Variants in ATRX observed in about 807,000 individuals in gnomAD.
ATRX encodes the protein ATRX chromatin remodeler, also known as chromatin remodeler ATRX.
In ATRX, 12 loss-of-function variants were observed where a neutral mutation model predicts 172.6. The observed-to-expected ratio is 0.07, with a 90% CI of 0.04 to 0.11. The LOEUF is 0.11. ATRX is among the 10% of genes least tolerant of loss of function. The pLI is 1.00. For synonymous variants in ATRX, 674 were observed against 594.7 expected (o/e 1.13, Z -1.94); for missense variants, 1,368 against 1,767.4 (o/e 0.77, Z 4.05).
intron 21 of ATRX, among the ~76,000 whole-genome samples, chrX:77,618,083 T>C (rs1557097875): frequency 9.0e-6 from 1 of 111,545 alleles, no homozygotes. Context: ...AAAAAAATAT[T>C]TTTGATCCAT....
At position 77,682,185 on chromosome X, in the gene ATRX, T is replaced by G. The variant is rs1557138240; in HGVS notation, c.3071A>C (p.Glu1024Ala). The G allele has an allele frequency of 8.3e-7, 1 of 1,211,357 alleles. No homozygotes were observed. Among genetic ancestry groups the G allele is most frequent in the African/African-American group, 1.7e-5 (1 of 57,879 alleles). Residue 1024 changes from glutamate to alanine, a missense_variant, in exon 9 of 35, where the codon GAA becomes GCA. Coordinates refer to ENST00000373344, the MANE Select transcript of ATRX (RefSeq NM_000489.6). ...DGTEKLPERE[E>A]ICHFPKGIKQ... ...TATGCCCTTAGGAAAATGACAAATT[T>G]CTTCTCGCTCAGGTAACTTTTCAGT...
intron 22 of ATRX, among the ~76,000 whole-genome samples, chrX:77,601,287 G>A (rs1411656410): frequency 2.7e-5 from 3 of 109,381 alleles, no homozygotes; most frequent in Non-Finnish European, 5.7e-5. Flanking sequence ...ACAACACAGC[G>A]AGACTCTGTC....
intron 1 of ATRX, among the ~76,000 whole-genome samples, chrX:77,724,642 T>C (rs1431605311): frequency 1.8e-5 from 2 of 111,572 alleles, no homozygotes; most frequent in African/African-American, 6.5e-5. Flanking sequence ...GTAAAACTAA[T>C]TTTTTGCCCA....
At chrX:77,780,277 AG>A (rs1442772442) in intron 1 of ATRX, among the ~76,000 whole-genome samples, 1 of 111,320 alleles carries the variant, frequency 9.0e-6, no homozygotes, top group Non-Finnish European at 1.9e-5. Flanking sequence ...AACCCACAAA[AG>A]GCAGATAAGA....
At chrX:77,702,493 G>A (rs1334074565) in intron 2 of ATRX, among the ~76,000 whole-genome samples, 1 of 110,923 alleles carries the variant, frequency 9.0e-6, no homozygotes, top group African/African-American at 3.3e-5. Context: ...ATTAGTTCAG[G>A]AAGATTGATG....
intron 15 of ATRX, among the ~76,000 whole-genome samples, chrX:77,639,046 T>G (rs2068529487): frequency 8.9e-6 from 1 of 112,360 alleles, no homozygotes; most frequent in South Asian, 3.7e-4. Context: ...GAAAATTCCC[T>G]AAATGTCTTG....
intron 1 of ATRX, among the ~76,000 whole-genome samples, chrX:77,767,697 A>C (rs1455087257): frequency 1.8e-5 from 2 of 111,379 alleles, no homozygotes; most frequent in Non-Finnish European, 3.8e-5. Context: ...GCCCAGCCCC[A>C]ACATAATAGA....
chrX:77,646,404 CA>C (rs2068917137), intron 15 of ATRX, among the ~76,000 whole-genome samples: 1 of 110,779 alleles, frequency 9.0e-6, no homozygotes, highest in African/African-American at 3.3e-5. Context: ...GCCAGGTTCT[CA>C]AAAAATGTAA....
At chrX:77,609,772 C>T (rs1203412646) in intron 22 of ATRX, among the ~76,000 whole-genome samples, 5 of 111,879 alleles carry the variant, frequency 4.5e-5, no homozygotes, top group Non-Finnish European at 7.5e-5. Context: ...CCACCATACC[C>T]GTCCAGGAGC....
chrX:77,582,025 C>A (rs1264145725), intron 27 of ATRX, among the ~76,000 whole-genome samples: 4 of 111,314 alleles, frequency 3.6e-5, no homozygotes, highest in Non-Finnish European at 7.5e-5. Context: ...ACAGGGAAAG[C>A]AGTACTAAGA....
intron 1 of ATRX, among the ~76,000 whole-genome samples, chrX:77,762,513 CAT>C (rs1309381707): frequency 9.1e-5 from 10 of 110,392 alleles, no homozygotes; most frequent in African/African-American, 3.3e-4. Flanking sequence ...GCACTGGAAC[CAT>C]AGAGACTATG....
intron 12 of ATRX, among the ~76,000 whole-genome samples, chrX:77,659,936 C>G (rs2069778274): frequency 1.8e-5 from 2 of 111,161 alleles, no homozygotes; most frequent in Non-Finnish European, 3.8e-5. Flanking sequence ...TGATCACAAT[C>G]CATATTAGAA....
chrX:77,552,833 T>C (rs56394234), intron 30 of ATRX, among the ~76,000 whole-genome samples: 9,763 of 110,444 alleles, frequency 0.088, 474 homozygotes, highest in Non-Finnish European at 0.14. Flanking sequence ...GAGGAAGTGA[T>C]GAAGCAGAAA....
chrX:77,631,201 C>CAAAAAAAAAAA (rs782293888), intron 19 of ATRX, among the ~76,000 whole-genome samples: 1 of 39,077 alleles, frequency 2.6e-5, no homozygotes, highest in Non-Finnish European at 5.3e-5. Flanking sequence ...ACAATTTGAG[C>CAAAAAAAAAAA]AAAAAAAAAA....
chrX:77,716,110 A>ATTTTT (rs199639051), intron 2 of ATRX, among the ~76,000 whole-genome samples: 549 of 54,275 alleles, frequency 0.01, 42 homozygotes, highest in East Asian at 0.023. Flanking sequence ...GTCTCTAAAA[A>ATTTTT]TTTTTTTTTT....
At chrX:77,640,341 T>A (rs782003794) in intron 15 of ATRX, among the ~76,000 whole-genome samples, 51 of 110,368 alleles carry the variant, frequency 4.6e-4, no homozygotes, top group South Asian at 2.7e-3. Flanking sequence ...GCTGAAATTT[T>A]AAAAAATGAT....
chrX:77,561,958 T>C (rs1215697237), intron 28 of ATRX, among the ~76,000 whole-genome samples: 2 of 111,683 alleles, frequency 1.8e-5, no homozygotes, highest in African/African-American at 3.3e-5. Flanking sequence ...ACCATTACCA[T>C]AGCAGGATAC....
chrX:77,640,303 A>AC (rs1261192186), intron 15 of ATRX, among the ~76,000 whole-genome samples: 8 of 109,484 alleles, frequency 7.3e-5, no homozygotes, highest in Non-Finnish European at 1.3e-4. Context: ...CTGTACATGT[A>AC]CCCCCCCACC....
At chrX:77,784,536 T>C (rs1557206803) in intron 1 of ATRX, among the ~76,000 whole-genome samples, 1 of 111,964 alleles carries the variant, frequency 8.9e-6, no homozygotes, top group Non-Finnish European at 1.9e-5. Context: ...CATCCATGCA[T>C]ATGAACATGA....
Sources: gnomAD v4.1 joint callset for allele counts (sites outside exome capture counted in the v4.1 genomes callset) on GRCh38, gnomAD v4.1.1 for gene constraint, MANE v1.5 for transcripts, NCBI Gene and HGNC (gene_info 2026-07-23, HGNC 2026-07-21) for gene names.